Variants in TSPAN11 observed in about 807,000 individuals in gnomAD.
TSPAN11 encodes tetraspanin 11, also known as tetraspanin-11.
In TSPAN11, 29 loss-of-function variants were observed where a neutral mutation model predicts 32.9. The observed-to-expected ratio is 0.88, with a 90% CI of 0.66 to 1.20. TSPAN11 has a LOEUF of 1.20. Among genes scored for constraint, TSPAN11 ranks in the 50% most tolerant of loss-of-function variants. The pLI, the probability that TSPAN11 is intolerant of heterozygous loss-of-function variation, is 0.00. For missense variants in TSPAN11, 283 were observed against 329.1 expected (o/e 0.86, Z 1.08); for synonymous variants, 140 against 141.3 (o/e 0.99, Z 0.07).
At chr12:30,945,246 C>T in intron 1 of TSPAN11, among the ~76,000 whole-genome samples, 1 of 152,098 alleles carries the variant, frequency 6.6e-6, no homozygotes, top group East Asian at 1.9e-4. Context: ...ATTATCAACA[C>T]AGGCCAGCAT....
downstream of TSPAN11, among the ~76,000 whole-genome samples, chr12:31,000,189 T>G (rs568452385): frequency 2.6e-5 from 4 of 152,314 alleles, no homozygotes; most frequent in South Asian, 6.2e-4. Flanking sequence ...GCTTCCCCCT[T>G]GCTTCTGTGG....
intron 2 of TSPAN11, among the ~76,000 whole-genome samples, chr12:30,956,296 C>T (rs894390285): frequency 2.8e-4 from 42 of 152,226 alleles, no homozygotes; most frequent in African/African-American, 8.9e-4. Context: ...AGAATAGTTA[C>T]GTGGAACATT....
chr12:31,006,396 G>A, the TSPAN11 span, among the ~76,000 whole-genome samples: 1 of 152,224 alleles, frequency 6.6e-6, no homozygotes. Context: ...TCCCAGTTGA[G>A]GGCATTTCAA....
At chr12:30,985,194 C>G (rs548031350) in intron 7 of TSPAN11, among the ~76,000 whole-genome samples, 128 of 152,176 alleles carry the variant, frequency 8.4e-4, no homozygotes, top group Middle Eastern at 3.4e-3. Context: ...AGCTGTGGAC[C>G]TAGGGCCAGT....
intron 7 of TSPAN11, chr12:30,988,600 C>T (rs566808042): frequency 6.7e-6 from 1 of 149,112 alleles, no homozygotes; most frequent in African/African-American, 2.5e-5. Context: ...AAAAACAAAA[C>T]AAAAAAAAAA....
rs527786767 is a variant in TSPAN11, at chr12:30,944,466, C to A, written c.-11-9515C>A. ...TTTAGATTTCACATGTGAGTAAGAT[C>A]ATATGTTATTTGTCTTCCTGTGCCT... On this transcript the variant is annotated intron_variant, in intron 1 of 7. Coordinates refer to ENST00000546076, the MANE Select transcript of TSPAN11 (RefSeq NM_001370302.1). 2.4e-4 allele frequency among the ~76,000 whole-genome samples: 37 copies of A among 152,128 alleles called. 1 individual carries two copies. The highest frequency in any genetic ancestry group is 3.2e-3 in the Middle Eastern group (1 of 316).
At chr12:30,959,807 G>A (rs563279451) in intron 2 of TSPAN11, among the ~76,000 whole-genome samples, 121 of 151,070 alleles carry the variant, frequency 8.0e-4, no homozygotes, top group Admixed American at 1.5e-3. Context: ...AAACCGAGGT[G>A]TGGGGGGAAG....
intron 1 of TSPAN11, among the ~76,000 whole-genome samples, chr12:30,939,930 A>G (rs1456064697): frequency 1.3e-5 from 2 of 152,218 alleles, no homozygotes; most frequent in Non-Finnish European, 2.9e-5. Context: ...TTGATGTACA[A>G]TGGACATAGG....
chr12:30,959,614 G>GA (rs35860050), intron 2 of TSPAN11, among the ~76,000 whole-genome samples: 36,727 of 151,150 alleles, frequency 0.24, 4,812 homozygotes, highest in African/African-American at 0.35. Flanking sequence ...TAAAACCCAG[G>GA]AAAAAAAATA....
At chr12:30,956,047 T>C (rs1938472004) in intron 2 of TSPAN11, among the ~76,000 whole-genome samples, 1 of 152,190 alleles carries the variant, frequency 6.6e-6, no homozygotes, top group Non-Finnish European at 1.5e-5. Flanking sequence ...GAGACGGTGG[T>C]GACTTACATT....
At chr12:31,000,694 CTGA>C (rs1222319052), downstream of TSPAN11, among the ~76,000 whole-genome samples, 3 of 152,202 alleles carry the variant, frequency 2.0e-5, no homozygotes, top group East Asian at 5.8e-4. Context: ...GTGGTGACGG[CTGA>C]TAAGATAGTT....
At chr12:31,013,625 C>T in the TSPAN11 span, among the ~76,000 whole-genome samples, 685 of 151,304 alleles carry the variant, frequency 4.5e-3, 9 homozygotes, top group African/African-American at 0.016. Flanking sequence ...CAAAACAAAA[C>T]GAGGGAGCAT....
chr12:30,977,440 G>A lies in TSPAN11; in HGVS notation c.277-1121G>A, dbSNP rs137857661. ...CGGGTAGCTGCCCTGCTGTGGCCAG[G>A]TGGGCGGGCAGTGCCCGGGGGCAGC... On this transcript the variant is annotated intron_variant, in intron 3 of 7. Coordinates refer to ENST00000546076, the MANE Select transcript of TSPAN11 (RefSeq NM_001370302.1). 2.1e-3 allele frequency among the ~76,000 whole-genome samples: 317 copies of A among 152,350 alleles called. 1 individual carries two copies. Among genetic ancestry groups the A allele is most frequent in the African/African-American group, 7.0e-3 (290 of 41,584 alleles).
At chr12:31,014,915 T>C in the TSPAN11 span, among the ~76,000 whole-genome samples, 4 of 152,244 alleles carry the variant, frequency 2.6e-5, no homozygotes, top group Admixed American at 6.5e-5. Context: ...TCTTGTTTAG[T>C]GGAAAGACAA....
At position 30,978,583 on chromosome 12, in the gene TSPAN11, T is replaced by C; in HGVS notation, c.299T>C (p.Ile100Thr). Residue 100 changes from isoleucine to threonine, a missense_variant, in exon 4 of 8, where the codon ATC (isoleucine) becomes ACC (threonine). Ile to Thr is a moderately conservative substitution (Grantham distance 89). Coordinates refer to ENST00000546076, the MANE Select transcript of TSPAN11 (RefSeq NM_001370302.1). ...TAGTATTTCTGCCTGTTGCTCGTCA[T>C]CTTCCTGGTTGAGCTGGTGGCGGGA... ...LSTYFCLLLV[I>T]FLVELVAGVL... 6.2e-7 allele frequency: 1 copy of C among 1,614,254 alleles called. No individual in the cohort carries two copies. The highest frequency in any genetic ancestry group is 8.5e-7 in the Non-Finnish European group (1 of 1,180,032).
intron 1 of TSPAN11, among the ~76,000 whole-genome samples, chr12:30,942,323 C>T (rs1385901481): frequency 6.6e-6 from 1 of 152,206 alleles, no homozygotes; most frequent in Non-Finnish European, 1.5e-5. Flanking sequence ...GCATCATCTC[C>T]ATCTTACAGA....
chr12:30,993,516 C>A lies in TSPAN11; in HGVS notation c.*1601C>A, dbSNP rs1939358401. ...GGTTGCCTCCTCTTCTCTGGGTGTT[C>A]TCCAGTGGCTTCTTGGAGCCTAGGC... On this transcript the variant is annotated 3_prime_UTR_variant, in exon 8 of 8. Transcript: ENST00000546076. The A allele has an allele frequency of 2.0e-5, 3 of 152,268 alleles. No individual in the cohort carries two copies. The highest frequency in any genetic ancestry group is 7.2e-5 in the African/African-American group (3 of 41,460). 9.4% of individuals were successfully genotyped at this position (152,268 alleles called of 1,614,324 possible).
the TSPAN11 span, among the ~76,000 whole-genome samples, chr12:31,002,512 C>T: frequency 6.6e-6 from 1 of 152,198 alleles, no homozygotes; most frequent in East Asian, 1.9e-4. This position sits in a 1 kb window ranked among gnomAD's most constrained non-coding sequence, Gnocchi z 4.8. Flanking sequence ...CACTGCGAGA[C>T]TTCTACTGCA....
chr12:30,957,237 C>T (rs1038983782), intron 2 of TSPAN11, among the ~76,000 whole-genome samples: 1 of 147,184 alleles, frequency 6.8e-6, no homozygotes, highest in Admixed American at 6.8e-5. Flanking sequence ...GACCCCCCCC[C>T]CCCCCACACC....
Sources: allele counts gnomAD v4.1 joint callset (sites outside exome capture counted in the v4.1 genomes callset), GRCh38; gene constraint gnomAD v4.1.1; non-coding constraint Gnocchi (gnomAD v3.1); transcripts MANE v1.5; gene names NCBI Gene and HGNC (gene_info 2026-07-23, HGNC 2026-07-21).